The following INSL6 variants were observed in gnomAD, a reference collection of about 807,000 sequenced individuals.
INSL6 encodes the protein insulin like 6.
Under a neutral mutation model 9.4 loss-of-function variants are expected in INSL6, and 16 were observed. The observed-to-expected ratio is 1.70, with a 90% CI of 1.15 to 2.59. The LOEUF is 2.59. Ranked by LOEUF, INSL6 falls within the 30% of genes most tolerant of loss-of-function variation. The pLI is 0.00. For synonymous variants in INSL6, 154 were observed against 96.9 expected, an observed-to-expected ratio of 1.59 and a Z score of -3.46; for missense variants, 391 against 257.3, an observed-to-expected ratio of 1.52 and a Z score of -3.56.
At chr9:5,024,757 C>T in the INSL6 span, among the ~76,000 whole-genome samples, 133 of 152,276 alleles carry the variant, frequency 8.7e-4, no homozygotes, top group Admixed American at 1.3e-3. Flanking sequence ...TGCTTTTCTG[C>T]CCTGAGAAAG....
the INSL6 span, among the ~76,000 whole-genome samples, chr9:5,073,279 C>G: frequency 6.6e-6 from 1 of 152,218 alleles, no homozygotes; most frequent in Non-Finnish European, 1.5e-5. Context: ...AGTATCCTGA[C>G]ACAGATGTCG....
chr9:5,065,373 C>A, the INSL6 span, among the ~76,000 whole-genome samples: 2 of 152,114 alleles, frequency 1.3e-5, no homozygotes, highest in African/African-American at 4.8e-5. Context: ...AGCCACAGTG[C>A]AAAATTTGAA....
At chr9:5,144,614 G>A (rs1329347727) in intron 2 of INSL6, among the ~76,000 whole-genome samples, 1 of 152,154 alleles carries the variant, frequency 6.6e-6, no homozygotes, top group African/African-American at 2.4e-5. Context: ...GGCGGTCTAA[G>A]TCTCTTTGAA....
At chr9:5,068,870 T>C in the INSL6 span, 1 of 466,036 alleles carries the variant, frequency 2.1e-6, no homozygotes, top group African/African-American at 2.0e-5. Flanking sequence ...TTTGAGGAAC[T>C]AAGTACTTCT....
the INSL6 span, among the ~76,000 whole-genome samples, chr9:5,042,699 TGCTGTGGGGCCA>T: frequency 6.6e-6 from 1 of 151,946 alleles, no homozygotes; most frequent in African/African-American, 2.4e-5. Context: ...CCTGGAGGGG[TGCTGTGGGGCCA>T]TCTTGCCCAG....
At chr9:5,126,319 T>C in intron 3 of INSL6, 6 of 1,536,224 alleles carry the variant, frequency 3.9e-6, no homozygotes, top group Non-Finnish European at 5.3e-6. Context: ...ATATTGAAAG[T>C]GGGTTTGTTT....
At chr9:5,094,357 C>G in the INSL6 span, 3 of 152,120 alleles carry the variant, frequency 2.0e-5, no homozygotes, top group African/African-American at 7.3e-5. Context: ...ACCCCATCCC[C>G]TAATTAATTT....
chr9:5,083,936 A>G, the INSL6 span, among the ~76,000 whole-genome samples: 1 of 152,036 alleles, frequency 6.6e-6, no homozygotes, highest in African/African-American at 2.4e-5. Flanking sequence ...ATATCTTGCT[A>G]TTTTTCATAT....
chr9:5,123,044 G>T (rs1823735062), downstream of INSL6: 3 of 1,611,238 alleles, frequency 1.9e-6, no homozygotes, highest in Non-Finnish European at 2.5e-6. Flanking sequence ...GTTTTCTGTG[G>T]CCTCAGATGT....
chr9:5,117,576 A>C, the INSL6 span, among the ~76,000 whole-genome samples: 1 of 152,216 alleles, frequency 6.6e-6, no homozygotes, highest in African/African-American at 2.4e-5. Context: ...AAAAATGTAA[A>C]ACAATGTGAC....
downstream of INSL6, among the ~76,000 whole-genome samples, chr9:5,161,974 G>A (rs1038213529): frequency 1.3e-5 from 2 of 151,970 alleles, no homozygotes; most frequent in Non-Finnish European, 2.9e-5. Context: ...GGCTACTCAG[G>A]AGGCTGAGGT....
chr9:5,028,700 T>C, the INSL6 span, among the ~76,000 whole-genome samples: 1 of 152,236 alleles, frequency 6.6e-6, no homozygotes, highest in African/African-American at 2.4e-5. Flanking sequence ...CACTTGCTGC[T>C]TCACCTTGCA....
chr9:5,081,868 T>C, the INSL6 span: 5 of 1,608,816 alleles, frequency 3.1e-6, no homozygotes, highest in Non-Finnish European at 4.2e-6. Context: ...CAAGGTAAAT[T>C]GTCAGAATTT....
At chr9:5,070,119 A>G in the INSL6 span, 1 of 1,133,532 alleles carries the variant, frequency 8.8e-7, no homozygotes, top group East Asian at 2.5e-5. Context: ...TTCTTGATTT[A>G]CATTCATGTG....
At chr9:5,156,172 A>G (rs1421676038) in intron 2 of INSL6, among the ~76,000 whole-genome samples, 1 of 152,234 alleles carries the variant, frequency 6.6e-6, no homozygotes, top group Non-Finnish European at 1.5e-5. Flanking sequence ...TAAGATACAG[A>G]AAATCTAAGT....
chr9:5,004,389 GTC>G, the INSL6 span, among the ~76,000 whole-genome samples: 1 of 152,020 alleles, frequency 6.6e-6, no homozygotes, highest in Non-Finnish European at 1.5e-5. Flanking sequence ...ATACAGTTTT[GTC>G]TTTCTGTGCC....
At chr9:5,095,807 C>G in the INSL6 span, among the ~76,000 whole-genome samples, 1 of 152,176 alleles carries the variant, frequency 6.6e-6, no homozygotes, top group African/African-American at 2.4e-5. Flanking sequence ...CCAGTACTAA[C>G]TTATAATCCA....
At chr9:5,089,581 C>T in the INSL6 span, 1 of 351,886 alleles carries the variant, frequency 2.8e-6, no homozygotes, top group Admixed American at 4.7e-5. Flanking sequence ...TCTGCTAATT[C>T]CAGCTACTAG....
chr9:5,145,422 T>C (rs761392277), intron 2 of INSL6, among the ~76,000 whole-genome samples: 12 of 152,202 alleles, frequency 7.9e-5, no homozygotes, highest in Admixed American at 2.6e-4. Flanking sequence ...GAGATTCTGA[T>C]GATTAAGCAT....
Sources: gnomAD v4.1 joint callset for allele counts (sites outside exome capture counted in the v4.1 genomes callset) on GRCh38, gnomAD v4.1.1 for gene constraint, MANE v1.5 for transcripts, NCBI Gene and HGNC (gene_info 2026-07-23, HGNC 2026-07-21) for gene names.